Variants in BRS3 observed in about 807,000 individuals in gnomAD.
BRS3 encodes bombesin receptor subtype-3.
A neutral mutation model predicts 18.8 loss-of-function variants in BRS3; 5 were observed. The ratio of observed to expected loss-of-function variants is 0.27; its 90% CI spans 0.14 to 0.56. The LOEUF (loss-of-function observed/expected upper bound fraction) is 0.56. Ranked by LOEUF, BRS3 falls within the 20% of genes least tolerant of loss-of-function variation. BRS3 has a pLI of 0.93. For missense variants in BRS3, 215 were observed against 296.3 expected, an observed-to-expected ratio of 0.73 and a Z score of 2.01; for synonymous variants, 121 against 115.0, an observed-to-expected ratio of 1.05 and a Z score of -0.33.
At position 136,492,147 on chromosome X, in the gene BRS3, C is replaced by G; in HGVS notation, c.972C>G (p.Cys324Trp). Residue 324 changes from cysteine (C) to tryptophan (W), a missense_variant, in exon 3 of 3, where the codon TGC becomes TGG. Physicochemically the swap from Cys to Trp is radical, Grantham distance 215. Coordinates refer to ENST00000370648, the MANE Select transcript of BRS3 (RefSeq NM_001727.2). ...GGGTTTTGGCTTTCAGCAATTCTTG[C>G]GTAAACCCCTTTGCTCTCTACTGGC... is the stretch of plus-strand genomic sequence containing the variant. ...FSRVLAFSNSCVNPFALYWLS... is the reference protein window; with the variant it reads ...FSRVLAFSNSWVNPFALYWLS... The G allele has an allele frequency of 8.3e-7, 1 of 1,210,824 alleles. No individual in the cohort carries two copies. Among genetic ancestry groups the G allele is most frequent in the Non-Finnish European group, 1.1e-6 (1 of 895,319 alleles).
chrX:136,490,965 A>G (rs1310475897), intron 2 of BRS3, among the ~76,000 whole-genome samples: 3 of 111,953 alleles, frequency 2.7e-5, no homozygotes, highest in Non-Finnish European at 5.6e-5. Context: ...ACACTATTCA[A>G]TGCAAACCAC....
Position 136,491,971 on chromosome X carries a change from C to T in BRS3, c.796C>T (p.Arg266Ter). The change falls in exon 3 of 3, where the codon CGA becomes TGA. Residue 266 changes from arginine (R) to a stop codon, truncating the protein, a stop_gained. Transcript: ENST00000370648. LOFTEE classifies it high-confidence loss of function. ...TTTCTTCCCCCTATAGATTGAATCC[C>T]GAAAGAGAATTGCCAGAACGGTATT... ...QSHARKQIES[R>*]KRIARTVLVL... 1 of 868,771 alleles carries T rather than the reference C, an allele frequency of 1.2e-6. No individual in the cohort carries two copies. Among genetic ancestry groups the T allele is most frequent in the Non-Finnish European group, 1.5e-6 (1 of 664,273 alleles). 71.6% of individuals were successfully genotyped at this position (868,771 alleles called of 1,213,427 possible).
chrX:136,488,264 C>T lies in BRS3; in HGVS notation c.150C>T (p.Ile50=), dbSNP rs1479350017. ...NSPGIEALCA[I]YITYAVIISV... ...CAGGAATAGAAGCATTGTGTGCCAT[C>T]TATATTACTTATGCTGTGATCATTT... Residue 50 remains isoleucine, a synonymous_variant, in exon 1 of 3, where the codon ATC becomes ATT. Transcript: ENST00000370648. 1 of 1,211,879 alleles carries T rather than the reference C, an allele frequency of 8.3e-7. No individual in the cohort carries two copies.
Position 136,491,942 on chromosome X carries a change from T to TTTTTGA in BRS3, c.787-20_787-19insTTTTGA. The TTTTTGA allele has an allele frequency of 3.7e-6, 2 of 535,106 alleles. No individual in the cohort carries two copies. The highest frequency in any genetic ancestry group is 5.2e-6 in the Non-Finnish European group (2 of 384,141). The allele number at this position is 535,106 out of a possible 1,213,427, so 44.1% of individuals were successfully genotyped here. A position where few individuals can be genotyped will look rare whatever the true frequency, so the allele number is the denominator to read the frequency against. ...TTTTTTTTTTTTTTTTTTTTTTTGC[T>TTTTTGA]ATGTTTCTTCCCCCTATAGATTGAA... On this transcript the variant is annotated intron_variant, in intron 2 of 2. Transcript: ENST00000370648.
At position 136,492,495 on chromosome X, in the gene BRS3, A is replaced by G; in HGVS notation, c.*120A>G. The G allele has an allele frequency of 1.4e-6, 1 of 711,136 alleles. No individual in the cohort carries two copies. The highest frequency in any genetic ancestry group is 3.4e-5 in the South Asian group (1 of 29,756). 58.6% of individuals were successfully genotyped at this position (711,136 alleles called of 1,213,427 possible). On this transcript the variant is annotated 3_prime_UTR_variant, in exon 3 of 3. Transcript: ENST00000370648. ...AAGTGTGTTGAAATCTTAGGAGTGA[A>G]GGATCCCTATAAGTAAGTAAAATAC...
At chrX:136,489,937 G>T (rs929991675) in intron 1 of BRS3, among the ~76,000 whole-genome samples, 196 bp from the exon 2 acceptor site, 2 of 111,829 alleles carry the variant, frequency 1.8e-5, no homozygotes, top group Non-Finnish European at 1.9e-5. Flanking sequence ...TGGAAAAGGA[G>T]ATTAGCATAA....
chrX:136,491,913 G>GTTTTTTTTTTTTTTTTTTTTTTTTTTTGT lies in BRS3; in HGVS notation c.787-23_787-22insTGTTTTTTTTTTTTTTTTTTTTTTTTTTT, dbSNP rs754593042. 7 of 436,963 alleles carry GTTTTTTTTTTTTTTTTTTTTTTTTTTTGT rather than the reference G, an allele frequency of 1.6e-5. No homozygotes were observed. In the East Asian group the frequency reaches 3.0e-4, roughly 18 times the overall value. 36.0% of individuals were successfully genotyped at this position (436,963 alleles called of 1,213,427 possible). A position where few individuals can be genotyped will look rare whatever the true frequency, so the allele number is the denominator to read the frequency against. On this transcript the variant is annotated intron_variant, in intron 2 of 2. Transcript: ENST00000370648. Reference sequence around the variant, plus strand: ...TTTTTTTGTTGTTGTTGTTTTTTGTGTTTTTTTTTTTTTTTTTTTTTTTTT... The same window carrying GTTTTTTTTTTTTTTTTTTTTTTTTTTTGT: ...TTTTTTTGTTGTTGTTGTTTTTTGTGTTTTTTTTTTTTTTTTTTTTTTTTTTTGTTTTTTTTTTTTTTTTTTTTTTTTTT...
rs2075659263 is a variant in BRS3, at chrX:136,488,318, C to T, written c.204C>T (p.Leu68=). The T allele has an allele frequency of 4.1e-6, 5 of 1,211,882 alleles. No homozygotes were observed. Among genetic ancestry groups the T allele is most frequent in the Non-Finnish European group, 5.6e-6 (5 of 895,487 alleles). The change falls in exon 1 of 3, where the codon CTC becomes CTT. Residue 68 remains leucine (L), a synonymous_variant. Transcript: ENST00000370648. The part of the protein sequence containing the change: ...ISVGILGNAI[L]IKVFFKTKSM... ...TGGGCATCCTTGGAAATGCTATTCT[C>T]ATCAAAGTCTTTTTCAAGACCAAAT... is the stretch of plus-strand genomic sequence containing the variant.
intron 1 of BRS3, among the ~76,000 whole-genome samples, chrX:136,489,284 A>G (rs1334695339): frequency 8.9e-6 from 1 of 111,797 alleles, no homozygotes; most frequent in African/African-American, 3.3e-5. Flanking sequence ...GAATAACTGT[A>G]AAAACATGAA....
intron 1 of BRS3, among the ~76,000 whole-genome samples, chrX:136,489,109 T>C (rs1178888536): frequency 1.8e-5 from 2 of 112,232 alleles, no homozygotes; most frequent in African/African-American, 6.5e-5. Context: ...GTTTTCTCTG[T>C]AGGCATTCAG....
At position 136,488,306 on chromosome X, in the gene BRS3, A is replaced by G. The variant is rs1352823475; in HGVS notation, c.192A>G (p.Gly64=). 8.3e-7 allele frequency: 1 copy of G among 1,211,865 alleles called. No individual in the cohort carries two copies. The highest frequency in any genetic ancestry group is 1.8e-5 in the South Asian group (1 of 56,991). ...YAVIISVGIL[G]NAILIKVFFK... Reference sequence around the variant, plus strand: ...TGATCATTTCAGTGGGCATCCTTGGAAATGCTATTCTCATCAAAGTCTTTT... The same window carrying G: ...TGATCATTTCAGTGGGCATCCTTGGGAATGCTATTCTCATCAAAGTCTTTT... Residue 64 remains glycine, a synonymous_variant, in exon 1 of 3, where the codon GGA becomes GGG. Coordinates refer to ENST00000370648, the MANE Select transcript of BRS3 (RefSeq NM_001727.2).
chrX:136,490,045 C>G, intron 1 of BRS3, 88 bp from the exon 2 acceptor site: 2 of 746,044 alleles, frequency 2.7e-6, no homozygotes, highest in Non-Finnish European at 3.9e-6. Flanking sequence ...GAGGGTAGAA[C>G]TGGATGACCA....
intron 1 of BRS3, among the ~76,000 whole-genome samples, chrX:136,489,414 G>A (rs187924836): frequency 8.8e-4 from 99 of 111,939 alleles, no homozygotes; most frequent in African/African-American, 3.1e-3. Context: ...AATCTGAGAG[G>A]AGGAAAACCT....
chrX:136,490,695 G>A (rs1216724226), intron 2 of BRS3, among the ~76,000 whole-genome samples: 1 of 111,721 alleles, frequency 9.0e-6, no homozygotes, highest in African/African-American at 3.3e-5. Flanking sequence ...TCTGAGCCTC[G>A]GTTTCCTCAT....
rs1267481950 is a variant in BRS3 at position 136,492,497 on chromosome X, G to A, written c.*122G>A. 4.3e-6 allele frequency: 3 copies of A among 695,231 alleles called. No individual in the cohort carries two copies. Among genetic ancestry groups the A allele is most frequent in the Non-Finnish European group, 4.1e-6 (2 of 487,420 alleles). 57.3% of individuals were successfully genotyped at this position (695,231 alleles called of 1,213,427 possible). A position where few individuals can be genotyped will look rare whatever the true frequency, so the allele number is the denominator to read the frequency against. On this transcript the variant is annotated 3_prime_UTR_variant, in exon 3 of 3. Transcript: ENST00000370648. ...GTGTGTTGAAATCTTAGGAGTGAAGGATCCCTATAAGTAAGTAAAATACAA... is the reference window on the plus strand; with the variant it reads ...GTGTGTTGAAATCTTAGGAGTGAAGAATCCCTATAAGTAAGTAAAATACAA...
rs1273687918 is a variant in BRS3, at chrX:136,493,349, T to A, written c.*974T>A. On this transcript the variant is annotated 3_prime_UTR_variant, in exon 3 of 3. Coordinates refer to ENST00000370648, the MANE Select transcript of BRS3 (RefSeq NM_001727.2). ...CCTAATTAATCTCTGCCCATGGAAA[T>A]CAGATGGAAAGTTCTGATTTTCTAT... is the stretch of plus-strand genomic sequence containing the variant. The A allele has an allele frequency of 9.0e-6, 1 of 110,942 alleles. No homozygotes were observed. Among genetic ancestry groups the A allele is most frequent in the Admixed American group, 9.6e-5 (1 of 10,426 alleles). The allele number at this position is 110,942 out of a possible 1,213,427, so 9.1% of individuals were successfully genotyped here. A position where few individuals can be genotyped will look rare whatever the true frequency, so the allele number is the denominator to read the frequency against.
rs2075677006 is a variant in BRS3 at position 136,493,550 on chromosome X, TTGAG to T, written c.*1178_*1181del. 1 of 112,021 alleles carries T rather than the reference TTGAG, an allele frequency of 8.9e-6. No individual in the cohort carries two copies. The highest frequency in any genetic ancestry group is 3.2e-5 in the African/African-American group (1 of 30,829). 9.2% of individuals were successfully genotyped at this position (112,021 alleles called of 1,213,427 possible). A position where few individuals can be genotyped will look rare whatever the true frequency, so the allele number is the denominator to read the frequency against. On this transcript the variant is annotated 3_prime_UTR_variant, in exon 3 of 3. Coordinates refer to ENST00000370648, the MANE Select transcript of BRS3 (RefSeq NM_001727.2). ...TTGTATTTAAAAAAAAAAACAATGT[TTGAG>T]TGTGCTTTTGGTAATGCTGAGCTTT...
In BRS3 at chrX:136,491,942, T is replaced by TTG; in HGVS notation, c.787-20_787-19insTG. 3 of 535,100 alleles carry TTG rather than the reference T, an allele frequency of 5.6e-6. No individual in the cohort carries two copies. Among genetic ancestry groups the TTG allele is most frequent in the Non-Finnish European group, 7.8e-6 (3 of 384,135 alleles). The allele number at this position is 535,100 out of a possible 1,213,427, so 44.1% of individuals were successfully genotyped here. A position where few individuals can be genotyped will look rare whatever the true frequency, so the allele number is the denominator to read the frequency against. On this transcript the variant is annotated intron_variant, in intron 2 of 2. Coordinates refer to ENST00000370648, the MANE Select transcript of BRS3 (RefSeq NM_001727.2). The stretch of plus-strand genomic sequence containing the variant: ...TTTTTTTTTTTTTTTTTTTTTTTGC[T>TTG]ATGTTTCTTCCCCCTATAGATTGAA...
chrX:136,489,620 C>T (rs977720524), intron 1 of BRS3, among the ~76,000 whole-genome samples: 10 of 111,561 alleles, frequency 9.0e-5, no homozygotes, highest in Non-Finnish European at 1.5e-4. Context: ...CGAATTAACA[C>T]TTACAAACGG....
Sources: allele counts gnomAD v4.1 joint callset (sites outside exome capture counted in the v4.1 genomes callset), GRCh38; gene constraint gnomAD v4.1.1; transcripts MANE v1.5; gene names NCBI Gene and HGNC (gene_info 2026-07-23, HGNC 2026-07-21).